CEACAM18: variants seen among roughly 807,000 people sequenced by gnomAD.
CEACAM18 encodes CEA cell adhesion molecule 18.
CEACAM18 carries 33 observed loss-of-function variants against 34.3 expected under a neutral mutation model. The observed-to-expected ratio is 0.96, with a 90% CI of 0.73 to 1.29. The LOEUF is 1.29. CEACAM18 is among the 50% of genes most tolerant of loss of function. The pLI is 0.00. For synonymous variants in CEACAM18, 169 were observed against 180.9 expected, an observed-to-expected ratio of 0.93 and a Z score of 0.53; for missense variants, 474 against 485.0, an observed-to-expected ratio of 0.98 and a Z score of 0.21.
At chr19:51,482,375 C>T (rs572801400) in intron 3 of CEACAM18, among the ~76,000 whole-genome samples, 1 of 152,304 alleles carries the variant, frequency 6.6e-6, no homozygotes, top group African/African-American at 2.4e-5. Context: ...AATCACACAT[C>T]TAAAATCACT....
chr19:51,481,724 T>G (rs532790176), intron 3 of CEACAM18, 59 bp downstream of exon 3: 3 of 1,540,348 alleles, frequency 1.9e-6, no homozygotes, highest in Non-Finnish European at 2.6e-6. Flanking sequence ...TTTCTAGGGA[T>G]AGGAATATGT....
At chr19:51,483,993 T>A (rs1989961277) in intron 4 of CEACAM18, among the ~76,000 whole-genome samples, 1 of 152,202 alleles carries the variant, frequency 6.6e-6, no homozygotes, top group Admixed American at 6.5e-5. Flanking sequence ...CCCAAGGTTC[T>A]TGGTCCAAAT....
intron 1 of CEACAM18, 104 bp downstream of exon 1, chr19:51,478,798 A>G (rs994248907): frequency 7.3e-5 from 57 of 781,456 alleles, no homozygotes; most frequent in Non-Finnish European, 9.6e-5. Flanking sequence ...CCACGGGCAC[A>G]TCAAGAAACT....
intron 5 of CEACAM18, among the ~76,000 whole-genome samples, chr19:51,487,841 T>C (rs1384838230): frequency 6.6e-6 from 1 of 152,156 alleles, no homozygotes; most frequent in Non-Finnish European, 1.5e-5. Flanking sequence ...TTAACCAATA[T>C]GGTAGCCACT....
intron 5 of CEACAM18, among the ~76,000 whole-genome samples, chr19:51,488,493 G>A (rs1489757828): frequency 6.6e-6 from 1 of 152,154 alleles, no homozygotes; most frequent in East Asian, 1.9e-4. Flanking sequence ...CTTTGCTAAG[G>A]GACCATGTAA....
At chr19:51,489,936 C>T (rs1485483816) in intron 5 of CEACAM18, among the ~76,000 whole-genome samples, 1 of 152,130 alleles carries the variant, frequency 6.6e-6, no homozygotes, top group African/African-American at 2.4e-5. Flanking sequence ...CCTCATCTTC[C>T]ACCACCTGGA....
At chr19:51,484,318 C>CTTTT (rs546695435) in intron 4 of CEACAM18, among the ~76,000 whole-genome samples, 20 of 141,402 alleles carry the variant, frequency 1.4e-4, no homozygotes, top group African/African-American at 5.0e-4. Flanking sequence ...GCTGGGGAAG[C>CTTTT]TTTTTTTTTT....
chr19:51,485,893 A>G (rs940135794), intron 5 of CEACAM18, among the ~76,000 whole-genome samples: 4 of 152,162 alleles, frequency 2.6e-5, no homozygotes, highest in African/African-American at 4.8e-5. Flanking sequence ...AGTTCAGAAA[A>G]CCAAAAATGT....
chr19:51,489,759 A>T (rs550737431), intron 5 of CEACAM18, among the ~76,000 whole-genome samples: 1 of 152,334 alleles, frequency 6.6e-6, no homozygotes, highest in East Asian at 1.9e-4. Flanking sequence ...GGATAAAGTA[A>T]GCTCTTAGTA....
chr19:51,478,767 G>C (rs1989855090), intron 1 of CEACAM18, 73 bp downstream of exon 1: 3 of 1,153,332 alleles, frequency 2.6e-6, no homozygotes, highest in South Asian at 4.8e-5. Flanking sequence ...GCGGCGGGGA[G>C]GGGGCTGGGA....
chr19:51,480,496 G>T, exon 2 of CEACAM18: 1 of 1,613,908 alleles, frequency 6.2e-7, no homozygotes, highest in Non-Finnish European at 8.5e-7. Context: ...CAGGAAACAT[G>T]ATTATCAGCC....
intron 5 of CEACAM18, among the ~76,000 whole-genome samples, chr19:51,489,517 T>C (rs147224565): frequency 4.0e-4 from 61 of 152,230 alleles, no homozygotes; most frequent in Middle Eastern, 3.4e-3. Context: ...ACACACAGCA[T>C]ACGTGTATGC....
At chr19:51,490,744 G>A (rs989756088) in exon 6 of CEACAM18, 8 of 668,782 alleles carry the variant, frequency 1.2e-5, no homozygotes, top group African/African-American at 3.7e-5. Flanking sequence ...TGGCAAGAGA[G>A]GGACCCAGCC....
At chr19:51,483,341 C>A (rs780726028) in intron 4 of CEACAM18, 45 bp downstream of exon 4, 22 of 1,609,660 alleles carry the variant, frequency 1.4e-5, no homozygotes, top group Non-Finnish European at 1.8e-5. Flanking sequence ...CATCTCCCTG[C>A]CTCCATGCCC....
chr19:51,482,910 T>C, intron 3 of CEACAM18, 107 bp from the exon 4 acceptor site: 1 of 1,353,822 alleles, frequency 7.4e-7, no homozygotes, highest in Non-Finnish European at 1.0e-6. Context: ...GTCTAGGGGT[T>C]AGCCCGAGGT....
At chr19:51,481,634 G>C in exon 3 of CEACAM18, 1 of 1,613,730 alleles carries the variant, frequency 6.2e-7, no homozygotes, top group Non-Finnish European at 8.5e-7. Context: ...AGATCTTTCA[G>C]AGAAGTGAAC....
intron 2 of CEACAM18, 72 bp from the exon 3 acceptor site, chr19:51,481,321 C>A: frequency 6.7e-7 from 1 of 1,487,918 alleles, no homozygotes; most frequent in Non-Finnish European, 9.2e-7. Flanking sequence ...GCCCAGAAGT[C>A]CCCTGGAGAG....
chr19:51,481,655 G>T (rs998084557), exon 3 of CEACAM18: 2 of 1,611,304 alleles, frequency 1.2e-6, no homozygotes, highest in Non-Finnish European at 1.7e-6. Context: ...GCATCTCTCT[G>T]ACTGTGGCCT....
chr19:51,484,762 C>T (rs1989972731), intron 4 of CEACAM18, among the ~76,000 whole-genome samples: 1 of 152,228 alleles, frequency 6.6e-6, no homozygotes, highest in African/African-American at 2.4e-5. Context: ...TGAGACATCT[C>T]TTTGCTTAAT....
Sources: gnomAD v4.1 joint callset for allele counts (sites outside exome capture counted in the v4.1 genomes callset) on GRCh38, gnomAD v4.1.1 for gene constraint, MANE v1.5 for transcripts, NCBI Gene and HGNC (gene_info 2026-07-23, HGNC 2026-07-21) for gene names.